ZNRF1: variants seen among roughly 807,000 people sequenced by gnomAD.
The protein encoded by ZNRF1 is zinc and ring finger 1.
In ZNRF1, 3 loss-of-function variants were observed where a neutral mutation model predicts 18.4. That is an observed-to-expected ratio of 0.16 (90% CI 0.07 to 0.42). The LOEUF (loss-of-function observed/expected upper bound fraction) is 0.42. Ranked by LOEUF, ZNRF1 falls within the 10% of genes least tolerant of loss-of-function variation. ZNRF1 has a pLI of 0.99. For synonymous variants in ZNRF1, 157 were observed against 144.2 expected (o/e 1.09, Z -0.64); for missense variants, 310 against 329.8 (o/e 0.94, Z 0.47).
chr16:75,042,004 A>G (rs1441784476), intron 1 of ZNRF1, among the ~76,000 whole-genome samples: 2 of 152,266 alleles, frequency 1.3e-5, no homozygotes, highest in East Asian at 3.9e-4. Context: ...CTCAAAAAAC[A>G]AAGACTTAAT....
At position 75,008,234 on chromosome 16, in the gene ZNRF1, G is replaced by A. The variant is rs940098384; in HGVS notation, c.424+8139G>A. Among the ~76,000 whole-genome samples, 5 of 152,288 alleles carry A rather than the reference G, an allele frequency of 3.3e-5. No individual in the cohort carries two copies. The East Asian group carries it at 9.6e-4, about 29-fold the overall frequency. On this transcript the variant is annotated intron_variant, in intron 1 of 4. Transcript: ENST00000335325. ...TGCTAAGCAATCTCTACAGCTCGCA[G>A]AAGGTAGGTTCAACCAGGAACAACA...
intron 1 of ZNRF1, among the ~76,000 whole-genome samples, chr16:75,053,318 G>T (rs2035628822): frequency 6.6e-6 from 1 of 152,198 alleles, no homozygotes; most frequent in African/African-American, 2.4e-5. Context: ...GCTGGGTGCA[G>T]TGGCTCATGC....
At chr16:75,006,284 G>A (rs1486339507) in intron 1 of ZNRF1, among the ~76,000 whole-genome samples, 1 of 152,152 alleles carries the variant, frequency 6.6e-6, no homozygotes, top group Non-Finnish European at 1.5e-5. Flanking sequence ...AAACTTCATA[G>A]GGAAGTGGTG....
intron 1 of ZNRF1, among the ~76,000 whole-genome samples, chr16:75,007,540 T>G (rs577944734): frequency 6.6e-6 from 1 of 152,316 alleles, no homozygotes; most frequent in African/African-American, 2.4e-5. Flanking sequence ...GAATTTATAG[T>G]GACCTCTTGG....
At chr16:75,056,546 A>G (rs2035670215) in intron 1 of ZNRF1, among the ~76,000 whole-genome samples, 1 of 152,212 alleles carries the variant, frequency 6.6e-6, no homozygotes, top group Admixed American at 6.5e-5. Context: ...TACTGAAGAT[A>G]CAGATACTGA....
chr16:75,050,839 C>T (rs1168649672), intron 1 of ZNRF1, among the ~76,000 whole-genome samples: 2 of 125,696 alleles, frequency 1.6e-5, no homozygotes, highest in African/African-American at 5.9e-5. Context: ...CCACTGCACT[C>T]CAGCCTGGGC....
chr16:75,068,339 G>C (rs571225010), intron 1 of ZNRF1, among the ~76,000 whole-genome samples: 1 of 152,204 alleles, frequency 6.6e-6, no homozygotes, highest in South Asian at 2.1e-4. Context: ...ACTCCATCCT[G>C]GTTGACAGAG....
In ZNRF1 at chr16:75,109,819, G is replaced by C. The variant is rs1336196862; in HGVS notation, c.*2119G>C. On this transcript the variant is annotated 3_prime_UTR_variant, in exon 5 of 5. Transcript: ENST00000335325. ...TGCAGGTCTTGGCACATGCACAGCA[G>C]GCTCCCCATAGCTTTGTCACCACAA... is the stretch of plus-strand genomic sequence containing the variant. The C allele has an allele frequency of 6.6e-6, 1 of 152,352 alleles. No homozygotes were observed. The highest frequency in any genetic ancestry group is 2.4e-5 in the African/African-American group (1 of 41,482). The allele number at this position is 152,352 out of a possible 1,614,324, so 9.4% of individuals were successfully genotyped here. A position where few individuals can be genotyped will look rare whatever the true frequency, so the allele number is the denominator to read the frequency against.
intron 1 of ZNRF1, among the ~76,000 whole-genome samples, chr16:75,007,206 T>C (rs1456719431): frequency 6.6e-6 from 1 of 151,716 alleles, no homozygotes; most frequent in African/African-American, 2.4e-5. Context: ...TACAGGCGGA[T>C]GCCGCTACGC....
At chr16:75,039,578 G>C (rs1350254204) in intron 1 of ZNRF1, among the ~76,000 whole-genome samples, 2 of 152,140 alleles carry the variant, frequency 1.3e-5, no homozygotes, top group South Asian at 2.1e-4. Context: ...CAGATTCCCA[G>C]GTTCCCCTTT....
intron 1 of ZNRF1, among the ~76,000 whole-genome samples, chr16:75,072,792 CT>C (rs2035885524): frequency 6.6e-6 from 1 of 152,142 alleles, no homozygotes; most frequent in Non-Finnish European, 1.5e-5. Flanking sequence ...TGTGACATGG[CT>C]CACCCAATTG....
chr16:75,078,056 C>T (rs771819240), intron 1 of ZNRF1, among the ~76,000 whole-genome samples: 5 of 152,202 alleles, frequency 3.3e-5, no homozygotes, highest in African/African-American at 4.8e-5. Flanking sequence ...CTGCCTACCA[C>T]ACCTTTATAC....
intron 1 of ZNRF1, among the ~76,000 whole-genome samples, chr16:75,007,340 C>T (rs570395666): frequency 1.3e-5 from 2 of 152,178 alleles, no homozygotes; most frequent in South Asian, 4.1e-4. Context: ...CAGGTGTCAG[C>T]GACGATGCCA....
intron 1 of ZNRF1, among the ~76,000 whole-genome samples, chr16:75,081,596 A>G (rs1487334346): frequency 6.6e-6 from 1 of 152,224 alleles, no homozygotes; most frequent in Non-Finnish European, 1.5e-5. Flanking sequence ...CAGCAGCAGC[A>G]GTGGGTTTTG....
intron 2 of ZNRF1, 30 bp from the exon 3 acceptor site, chr16:75,104,754 C>T: frequency 6.4e-7 from 1 of 1,564,880 alleles, no homozygotes; most frequent in Non-Finnish European, 8.7e-7. Flanking sequence ...GTGACTAACC[C>T]TCCTGCACTC....
At chr16:75,027,033 G>T (rs1200829931) in intron 1 of ZNRF1, among the ~76,000 whole-genome samples, 1 of 152,200 alleles carries the variant, frequency 6.6e-6, no homozygotes, top group African/African-American at 2.4e-5. Flanking sequence ...GGTGATTCCT[G>T]TTAACATTCC....
At chr16:75,003,479 A>G (rs1451183810) in intron 1 of ZNRF1, among the ~76,000 whole-genome samples, 1 of 152,132 alleles carries the variant, frequency 6.6e-6, no homozygotes, top group Admixed American at 6.6e-5. Flanking sequence ...TCTATGGAGT[A>G]AGACTGTTCT....
At chr16:75,071,244 C>A (rs1374170776) in intron 1 of ZNRF1, among the ~76,000 whole-genome samples, 1 of 152,148 alleles carries the variant, frequency 6.6e-6, no homozygotes, top group Non-Finnish European at 1.5e-5. Flanking sequence ...GGATTACAGC[C>A]ACCCACCACC....
chr16:75,095,467 C>G, intron 2 of ZNRF1: 1 of 971,678 alleles, frequency 1.0e-6, no homozygotes, highest in Non-Finnish European at 1.4e-6. Context: ...CCCTGCGTCT[C>G]ACAGCCCTCC....
Sources: allele counts gnomAD v4.1 joint callset (sites outside exome capture counted in the v4.1 genomes callset), GRCh38; gene constraint gnomAD v4.1.1; transcripts MANE v1.5; gene names NCBI Gene and HGNC (gene_info 2026-07-23, HGNC 2026-07-21).